Variants in EML6 observed in about 807,000 individuals in gnomAD.
EML6 encodes echinoderm microtubule-associated protein-like 6.
EML6 carries 154 observed loss-of-function variants against 240.1 expected under a neutral mutation model. The ratio of observed to expected loss-of-function variants is 0.64; its 90% CI spans 0.56 to 0.73. EML6 has a LOEUF of 0.73. EML6 is among the 30% of genes least tolerant of loss of function. The probability of loss-of-function intolerance (pLI) is 0.00; values close to 1 mark genes in which losing one functional copy is unlikely to be tolerated. For missense variants in EML6, 2,964 were observed against 2,474.6 expected, an observed-to-expected ratio of 1.20 and a Z score of -4.20; for synonymous variants, 1,148 against 899.0, an observed-to-expected ratio of 1.28 and a Z score of -4.95.
chr2:54,776,711 C>G lies in EML6; in HGVS notation c.198-36521C>G, dbSNP rs546945870. ...CTGAATCTACTAGAAAAAAGAATGTCTCCTCCCTCCCCTCCTGTGCCACCC... is the reference window on the plus strand; with the variant it reads ...CTGAATCTACTAGAAAAAAGAATGTGTCCTCCCTCCCCTCCTGTGCCACCC... On this transcript the variant is annotated intron_variant, in intron 2 of 41. Coordinates refer to ENST00000356458, the MANE Select transcript of EML6 (RefSeq NM_001039753.4). Among the ~76,000 whole-genome samples, 20 of 152,176 alleles carry G rather than the reference C, an allele frequency of 1.3e-4. No individual in the cohort carries two copies. In the South Asian group the frequency reaches 4.1e-3, roughly 32 times the overall value.
intron 22 of EML6, among the ~76,000 whole-genome samples, chr2:54,901,380 G>A (rs139064336): frequency 7.2e-5 from 11 of 152,296 alleles, no homozygotes; most frequent in East Asian, 1.9e-4. Context: ...GCCCATGCTC[G>A]TAATCACTAC....
intron 2 of EML6, among the ~76,000 whole-genome samples, chr2:54,788,088 T>TAAAC (rs1669183995): frequency 6.6e-6 from 1 of 152,168 alleles, no homozygotes; most frequent in Admixed American, 6.5e-5. Flanking sequence ...GTGTTTTCTT[T>TAAAC]AAACTAGCCA....
chr2:54,939,181 T>C (rs903238839), intron 28 of EML6, among the ~76,000 whole-genome samples: 8 of 152,256 alleles, frequency 5.3e-5, no homozygotes, highest in Non-Finnish European at 1.2e-4. Flanking sequence ...TTAAAATCCA[T>C]AATCCAGCTA....
chr2:54,902,573 A>ATT lies in EML6; in HGVS notation c.3125-466_3125-465dup, dbSNP rs150248820. On this transcript the variant is annotated intron_variant, in intron 22 of 41. Coordinates refer to ENST00000356458, the MANE Select transcript of EML6 (RefSeq NM_001039753.4). ...GCCACTATTCCTGGCTAATTTTTGT[A>ATT]TTTTTTGTAGAGATGGGATTTTGCT... Among the ~76,000 whole-genome samples, 6 of 151,958 alleles carry ATT rather than the reference A, an allele frequency of 3.9e-5. No homozygotes were observed. The East Asian group carries it at 1.2e-3, about 29-fold the overall frequency.
intron 26 of EML6, among the ~76,000 whole-genome samples, chr2:54,927,991 G>T (rs779860124): frequency 6.6e-6 from 1 of 152,204 alleles, no homozygotes; most frequent in Non-Finnish European, 1.5e-5. Context: ...TTACACTAGA[G>T]ACCTGTGGAG....
At position 54,903,449 on chromosome 2, in the gene EML6, G is replaced by A; in HGVS notation, c.3356G>A (p.Gly1119Asp). The change falls in exon 24 of 42, where the codon GGC (glycine) becomes GAC (aspartate). Residue 1119 changes from glycine (G) to aspartate (D), a missense_variant. Physicochemically the swap from Gly to Asp is moderately conservative, Grantham distance 94. Coordinates refer to ENST00000356458, the MANE Select transcript of EML6 (RefSeq NM_001039753.4). ...IYNVLTSKRV[G>D]ICKGASSYIT... ...AACGTACTTACAAGCAAAAGGGTTG[G>A]CATCTGTAAAGGTGCTTCTAGTTAT... is the stretch of plus-strand genomic sequence containing the variant. The A allele has an allele frequency of 2.6e-6, 4 of 1,551,944 alleles. No homozygotes were observed. The highest frequency in any genetic ancestry group is 3.5e-6 in the Non-Finnish European group (4 of 1,146,978).
At position 54,823,878 on chromosome 2, in the gene EML6, T is replaced by TCTC. The variant is rs60937620; in HGVS notation, c.525+3416_525+3417insCTC. 9.5e-3 allele frequency among the ~76,000 whole-genome samples: 1,222 copies of TCTC among 129,084 alleles called. 64 individuals are homozygous for TCTC. Among genetic ancestry groups the TCTC allele is most frequent in the African/African-American group, 0.025 (740 of 29,276 alleles). 84.7% of individuals were successfully genotyped at this position (129,084 alleles called of 152,430 possible). A position where few individuals can be genotyped will look rare whatever the true frequency, so the allele number is the denominator to read the frequency against. ...TCTCTCTCTCTCTCTCTCTCTCTCT[T>TCTC]TCTGTCTCTCTCTCTCTCTCTCAGA... On this transcript the variant is annotated intron_variant, in intron 5 of 41. Transcript: ENST00000356458.
chr2:54,840,144 C>T (rs1339514989), intron 7 of EML6, among the ~76,000 whole-genome samples: 1 of 152,062 alleles, frequency 6.6e-6, no homozygotes, highest in Non-Finnish European at 1.5e-5. Flanking sequence ...GATACTTGAC[C>T]AAATACAGCT....
At chr2:54,820,329 T>A (rs1357761026) in intron 4 of EML6, 65 bp from the exon 5 acceptor site, 1 of 891,754 alleles carries the variant, frequency 1.1e-6, no homozygotes, top group East Asian at 2.6e-5. Context: ...GCAATTGGAC[T>A]AGTATTGGGA....
chr2:54,894,129 C>T (rs954981697), intron 19 of EML6, among the ~76,000 whole-genome samples: 1 of 151,092 alleles, frequency 6.6e-6, no homozygotes, highest in South Asian at 2.1e-4. Flanking sequence ...AATATTATTT[C>T]TTTGTAAACT....
chr2:54,959,089 T>C lies in EML6; in HGVS notation c.4696-15T>C. 1.3e-6 allele frequency: 2 copies of C among 1,546,158 alleles called. No homozygotes were observed. The highest frequency in any genetic ancestry group is 1.4e-5 in the African/African-American group (1 of 73,000). The stretch of plus-strand genomic sequence containing the variant: ...GAGTGTGTTCCGGGTGTAGAAGATG[T>C]TGTTTTGTTTACAGAACAATCTCAC... On this transcript the variant is annotated splice_polypyrimidine_tract_variant and intron_variant, in intron 33 of 41. Coordinates refer to ENST00000356458, the MANE Select transcript of EML6 (RefSeq NM_001039753.4).
At chr2:54,789,484 C>A (rs551098871) in intron 2 of EML6, among the ~76,000 whole-genome samples, 26 of 134,016 alleles carry the variant, frequency 1.9e-4, no homozygotes, top group South Asian at 4.9e-4. Context: ...ACTGCACTCC[C>A]GCCTGGGCCA....
At position 54,952,636 on chromosome 2, in the gene EML6, G is replaced by C; in HGVS notation, c.4256G>C (p.Cys1419Ser). 1 of 1,551,422 alleles carries C rather than the reference G, an allele frequency of 6.4e-7. No individual in the cohort carries two copies. Among genetic ancestry groups the C allele is most frequent in the South Asian group, 1.2e-5 (1 of 84,058 alleles). Residue 1419 changes from cysteine to serine, a missense_variant, in exon 31 of 42, where the codon TGT becomes TCT. Cys to Ser is a moderately radical substitution (Grantham distance 112). Coordinates refer to ENST00000356458, the MANE Select transcript of EML6 (RefSeq NM_001039753.4). Reference protein sequence around the residue: ...FYLEHTDDILCLTVNQHPKYR... With the variant: ...FYLEHTDDILSLTVNQHPKYR... ...CTGGAGCACACAGATGACATCCTCTGTCTCACAGTGAACCAGCACCCCAAG... is the reference window on the plus strand; with the variant it reads ...CTGGAGCACACAGATGACATCCTCTCTCTCACAGTGAACCAGCACCCCAAG...
chr2:54,786,190 T>G (rs181192069), intron 2 of EML6, among the ~76,000 whole-genome samples: 2 of 152,218 alleles, frequency 1.3e-5, no homozygotes, highest in Admixed American at 6.5e-5. Context: ...GCTCCTATGC[T>G]TATTCCCTGA....
chr2:54,901,165 C>G (rs1333799265), intron 22 of EML6, among the ~76,000 whole-genome samples: 1 of 152,158 alleles, frequency 6.6e-6, no homozygotes, highest in Non-Finnish European at 1.5e-5. Context: ...ACTTACAAAT[C>G]AGAAAACTGA....
intron 17 of EML6, among the ~76,000 whole-genome samples, chr2:54,888,327 A>G (rs931009643): frequency 1.3e-5 from 2 of 152,194 alleles, no homozygotes; most frequent in South Asian, 2.1e-4. Context: ...CCATGGTTGC[A>G]TGCTTGGTTC....
chr2:54,843,978 G>GTGTGTT (rs2103681873), intron 7 of EML6, 69 bp from the exon 8 acceptor site: 4 of 931,268 alleles, frequency 4.3e-6, no homozygotes, highest in South Asian at 1.5e-5. Flanking sequence ...GTGTGTGTGT[G>GTGTGTT]TGTGTGTGTG....
chr2:54,773,435 G>A (rs140443768), intron 2 of EML6, among the ~76,000 whole-genome samples: 9 of 152,336 alleles, frequency 5.9e-5, no homozygotes, highest in East Asian at 3.9e-4. Flanking sequence ...CCGTAACTGA[G>A]CCCAGTCTTC....
chr2:54,902,035 T>C (rs2104212095), intron 22 of EML6, among the ~76,000 whole-genome samples: 1 of 152,314 alleles, frequency 6.6e-6, no homozygotes. Flanking sequence ...ATTCTTCGCG[T>C]GACAGAAGAG....
Sources: allele counts gnomAD v4.1 joint callset (sites outside exome capture counted in the v4.1 genomes callset), GRCh38; gene constraint gnomAD v4.1.1; transcripts MANE v1.5; gene names NCBI Gene and HGNC (gene_info 2026-07-23, HGNC 2026-07-21).